Variants in N4BP2 observed in about 807,000 individuals in gnomAD.
N4BP2 encodes the protein NEDD4-binding protein 2.
N4BP2 carries 91 observed loss-of-function variants against 152.8 expected under a neutral mutation model. The observed-to-expected ratio is 0.60, with a 90% CI of 0.50 to 0.71. N4BP2 has a LOEUF of 0.71. Among genes scored for constraint, N4BP2 ranks in the 30% least tolerant of loss-of-function variants. The pLI, the probability that N4BP2 is intolerant of heterozygous loss-of-function variation, is 0.00. For missense variants in N4BP2, 1,923 were observed against 2,059.1 expected (o/e 0.93, Z 1.28); for synonymous variants, 646 against 705.3 (o/e 0.92, Z 1.33).
chr4:40,117,808 T>C, intron 7 of N4BP2, 61 bp from the exon 8 acceptor site: 1 of 1,438,294 alleles, frequency 7.0e-7, no homozygotes, highest in Non-Finnish European at 9.4e-7. Flanking sequence ...ACATATGTTC[T>C]GATTTTTAAA....
chr4:40,089,535 C>CA (rs1413025150), intron 2 of N4BP2, among the ~76,000 whole-genome samples: 4 of 146,102 alleles, frequency 2.7e-5, no homozygotes, highest in African/African-American at 1.0e-4. Flanking sequence ...CTCCTGGGTT[C>CA]AAACCATTCT....
intron 16 of N4BP2, among the ~76,000 whole-genome samples, chr4:40,146,889 T>C (rs1243323152): frequency 3.8e-4 from 45 of 116,888 alleles, no homozygotes; most frequent in Admixed American, 5.4e-4. Context: ...TTTTTTTTTT[T>C]TCCCCAGGTA....
rs756330399 is a variant in N4BP2 at position 40,154,281 on chromosome 4, A to T, written c.*44A>T. 7.5e-7 allele frequency: 1 copy of T among 1,341,672 alleles called. No homozygotes were observed. Among genetic ancestry groups the T allele is most frequent in the Non-Finnish European group, 1.0e-6 (1 of 963,068 alleles). 83.1% of individuals were successfully genotyped at this position (1,341,672 alleles called of 1,614,324 possible). On this transcript the variant is annotated 3_prime_UTR_variant, in exon 18 of 18. Coordinates refer to ENST00000261435, the MANE Select transcript of N4BP2 (RefSeq NM_018177.6). ...AGAAGTATGAAGGTTTGTAGGTTAA[A>T]ATTACTTTTATTTGCAGTAATTCAG...
chr4:40,158,786 C>A (rs1303612775), downstream of N4BP2, among the ~76,000 whole-genome samples: 1 of 151,950 alleles, frequency 6.6e-6, no homozygotes, highest in Non-Finnish European at 1.5e-5. Context: ...AAAAAAGAAT[C>A]TCTTAGAGAC....
At chr4:40,176,662 T>C in the N4BP2 span, among the ~76,000 whole-genome samples, 11 of 152,334 alleles carry the variant, frequency 7.2e-5, no homozygotes, top group East Asian at 2.1e-3. Context: ...GATACTCTTT[T>C]CTCACTGAGT....
intron 2 of N4BP2, among the ~76,000 whole-genome samples, chr4:40,081,349 A>G (rs938301606): frequency 5.3e-5 from 8 of 152,144 alleles, no homozygotes; most frequent in Admixed American, 4.6e-4. Flanking sequence ...TTCTCTTTTA[A>G]AAAACTACAG....
At chr4:40,075,579 G>T (rs1235794646) in intron 2 of N4BP2, among the ~76,000 whole-genome samples, 1 of 151,960 alleles carries the variant, frequency 6.6e-6, no homozygotes, top group African/African-American at 2.4e-5. Flanking sequence ...TGTATTTTTA[G>T]TAGAGATGGG....
At chr4:40,125,727 A>C (rs776509596) in intron 11 of N4BP2, among the ~76,000 whole-genome samples, 5 of 152,108 alleles carry the variant, frequency 3.3e-5, no homozygotes, top group Non-Finnish European at 7.4e-5. Flanking sequence ...TCTCTACTAA[A>C]AATACAAAAA....
chr4:40,105,711 C>T (rs1008613968), intron 4 of N4BP2, among the ~76,000 whole-genome samples: 9 of 151,912 alleles, frequency 5.9e-5, no homozygotes, highest in African/African-American at 9.7e-5. Context: ...CCACCACACC[C>T]GGCTCATTTT....
At chr4:40,186,599 A>G in the N4BP2 span, among the ~76,000 whole-genome samples, 1 of 152,258 alleles carries the variant, frequency 6.6e-6, no homozygotes, top group South Asian at 2.1e-4. Flanking sequence ...GGTTGCCTCT[A>G]TAAACATTGG....
rs568385829 is a variant in N4BP2, at chr4:40,135,289, G to T, written c.4647-1655G>T. 4.6e-3 allele frequency among the ~76,000 whole-genome samples: 690 copies of T among 150,098 alleles called. 3 individuals are homozygous for T. Among genetic ancestry groups the T allele is most frequent in the African/African-American group, 0.016 (636 of 40,730 alleles). ...CAAAGGACATGAACTCATCATTTTTGATGGCTGCATAGTATTCCATGGTGT... is the reference window on the plus strand; with the variant it reads ...CAAAGGACATGAACTCATCATTTTTTATGGCTGCATAGTATTCCATGGTGT... On this transcript the variant is annotated intron_variant, in intron 13 of 17. Transcript: ENST00000261435.
Position 40,069,297 on chromosome 4 carries a change from G to C in N4BP2, c.-211-4158G>C, listed in dbSNP as rs190978842. On this transcript the variant is annotated intron_variant, in intron 1 of 17. Coordinates refer to ENST00000261435, the MANE Select transcript of N4BP2 (RefSeq NM_018177.6). ...TACAAAAAAATGCAAAAATTAGCTGGGCTTAGTTGTTCTTGCCTGTAATCC... is the reference window on the plus strand; with the variant it reads ...TACAAAAAAATGCAAAAATTAGCTGCGCTTAGTTGTTCTTGCCTGTAATCC... 5.3e-5 allele frequency among the ~76,000 whole-genome samples: 8 copies of C among 152,016 alleles called. No homozygotes were observed. In the East Asian group the frequency reaches 1.5e-3, roughly 29 times the overall value.
chr4:40,141,785 C>T (rs1377913403), intron 14 of N4BP2, among the ~76,000 whole-genome samples: 1 of 152,342 alleles, frequency 6.6e-6, no homozygotes, highest in East Asian at 1.9e-4. Context: ...CACTGCACTC[C>T]AGCCTGGGCA....
intron 17 of N4BP2, among the ~76,000 whole-genome samples, chr4:40,153,761 A>G (rs991212469): frequency 3.9e-5 from 6 of 152,220 alleles, no homozygotes; most frequent in Admixed American, 2.6e-4. Flanking sequence ...GAGATTAATT[A>G]TCTATTTTAG....
rs1168571001 is a variant in N4BP2 at position 40,131,928 on chromosome 4, T to C, written c.4646+9T>C. On this transcript the variant is annotated intron_variant, in intron 13 of 17. Transcript: ENST00000261435. The stretch of plus-strand genomic sequence containing the variant: ...ATTTTCAAGGACCACAAGTGAGTGC[T>C]AGAAGGATTGTCTGTAGTTTCTACT... The C allele has an allele frequency of 4.0e-6, 6 of 1,490,816 alleles. No homozygotes were observed. The highest frequency in any genetic ancestry group is 5.6e-6 in the Non-Finnish European group (6 of 1,068,442). 92.3% of individuals were successfully genotyped at this position (1,490,816 alleles called of 1,614,324 possible).
chr4:40,189,658 G>A, the N4BP2 span, among the ~76,000 whole-genome samples: 2 of 152,130 alleles, frequency 1.3e-5, no homozygotes, highest in African/African-American at 4.8e-5. The surrounding 1 kb of genome is among the most constrained non-coding windows in gnomAD (Gnocchi z 4.3). Flanking sequence ...GGAGGCTGAG[G>A]GGGGCAGATC....
At position 40,120,616 on chromosome 4, in the gene N4BP2, A is replaced by C; in HGVS notation, c.2505A>C (p.Thr835=). The part of the protein sequence containing the change: ...HKLVNSVSVN[T]DCVQQRGSPH... ...TAGTTAACAGTGTATCTGTGAATAC[A>C]GATTGTGTCCAGCAACGAGGATCTC... The change falls in exon 9 of 18, where the codon ACA becomes ACC. Residue 835 remains threonine (T), a synonymous_variant. Transcript: ENST00000261435. 6.2e-7 allele frequency: 1 copy of C among 1,614,200 alleles called. No individual in the cohort carries two copies. Among genetic ancestry groups the C allele is most frequent in the Non-Finnish European group, 8.5e-7 (1 of 1,180,022 alleles).
intron 5 of N4BP2, among the ~76,000 whole-genome samples, chr4:40,108,386 C>T (rs1223368361): frequency 6.6e-6 from 1 of 151,994 alleles, no homozygotes; most frequent in Non-Finnish European, 1.5e-5. Flanking sequence ...GATCTCGGCT[C>T]AGTGCAACCT....
At chr4:40,060,359 C>T (rs1431698683) in intron 1 of N4BP2, among the ~76,000 whole-genome samples, 1 of 152,100 alleles carries the variant, frequency 6.6e-6, no homozygotes, top group East Asian at 1.9e-4. Flanking sequence ...ATTCTCCTGC[C>T]TCAGCCTCCC....
Sources: allele counts gnomAD v4.1 joint callset (sites outside exome capture counted in the v4.1 genomes callset), GRCh38; gene constraint gnomAD v4.1.1; non-coding constraint Gnocchi (gnomAD v3.1); transcripts MANE v1.5; gene names NCBI Gene and HGNC (gene_info 2026-07-23, HGNC 2026-07-21).